PDK3: variants seen among roughly 807,000 people sequenced by gnomAD.
PDK3 encodes the protein pyruvate dehydrogenase kinase, isozyme 3.
In PDK3, 12 loss-of-function variants were observed where a neutral mutation model predicts 32.0. The ratio of observed to expected loss-of-function variants is 0.37; its 90% CI spans 0.24 to 0.61. The LOEUF (loss-of-function observed/expected upper bound fraction) is 0.61. Among genes scored for constraint, PDK3 ranks in the 20% least tolerant of loss-of-function variants. The pLI, the probability that PDK3 is intolerant of heterozygous loss-of-function variation, is 0.65. For missense variants in PDK3, 188 were observed against 316.9 expected (o/e 0.59, Z 3.09); for synonymous variants, 122 against 116.3 (o/e 1.05, Z -0.31).
At chrX:24,486,848 C>G (rs1005127889) in intron 1 of PDK3, among the ~76,000 whole-genome samples, 1 of 110,992 alleles carries the variant, frequency 9.0e-6, no homozygotes, top group Non-Finnish European at 1.9e-5. Context: ...CTGGGCTGGT[C>G]TTGAACTCTT....
chrX:24,526,094 A>G (rs1922516975), intron 6 of PDK3, 104 bp from the exon 7 acceptor site: 4 of 581,017 alleles, frequency 6.9e-6, no homozygotes, highest in Non-Finnish European at 1.1e-5. Flanking sequence ...TTAGCCTTTT[A>G]TAGAGCTCTG....
At chrX:24,520,440 G>A (rs776166119) in intron 6 of PDK3, among the ~76,000 whole-genome samples, 129 of 112,177 alleles carry the variant, frequency 1.1e-3, no homozygotes, top group Non-Finnish European at 2.0e-3. Context: ...GTTTATAGTA[G>A]TGGAGTTCAT....
chrX:24,547,263 C>T (rs947812380), exon 12 of PDK3: 4 of 111,997 alleles, frequency 3.6e-5, no homozygotes, highest in Non-Finnish European at 7.5e-5. Flanking sequence ...GTGGTAATAC[C>T]GGATCCAGGA....
chrX:24,481,779 A>C (rs748486998), intron 1 of PDK3, among the ~76,000 whole-genome samples: 4 of 111,949 alleles, frequency 3.6e-5, no homozygotes, highest in African/African-American at 1.3e-4. Context: ...AGGCCTCCCT[A>C]TCCATGTGGA....
In PDK3 at chrX:24,471,899, C is replaced by G. The variant is rs1182404142; in HGVS notation, c.106+6338C>G. Among the ~76,000 whole-genome samples the G allele has an allele frequency of 2.7e-5, 3 of 112,008 alleles. No individual in the cohort carries two copies. In the East Asian group the frequency reaches 8.3e-4, roughly 31 times the overall value. On this transcript the variant is annotated intron_variant, in intron 1 of 10. Transcript: ENST00000379162. ...TTCTTGTTTACATTTCCTGGGATAG[C>G]ATTGCCATCCTTTTATTTTCAGTTT...
chrX:24,493,427 A>T (rs1450764917), intron 1 of PDK3, among the ~76,000 whole-genome samples: 1 of 111,408 alleles, frequency 9.0e-6, no homozygotes, highest in Non-Finnish European at 1.9e-5. Flanking sequence ...AGTGTTAGAA[A>T]ATTGGATTCA....
intron 5 of PDK3, among the ~76,000 whole-genome samples, chrX:24,512,389 CATT>C (rs1004526701): frequency 8.9e-6 from 1 of 112,031 alleles, no homozygotes; most frequent in Non-Finnish European, 1.9e-5. Context: ...GAGCGCGTGG[CATT>C]ATTCTGGTTC....
At chrX:24,490,876 A>G (rs756477037) in intron 1 of PDK3, among the ~76,000 whole-genome samples, 2 of 111,648 alleles carry the variant, frequency 1.8e-5, no homozygotes, top group Non-Finnish European at 3.8e-5. Context: ...GGAAATTTAA[A>G]CATGTATACT....
intron 1 of PDK3, among the ~76,000 whole-genome samples, chrX:24,490,830 G>A (rs995410892): frequency 1.8e-5 from 2 of 111,443 alleles, no homozygotes; most frequent in Non-Finnish European, 3.8e-5. Context: ...CTCACAACAT[G>A]CTCGTATCCT....
intron 2 of PDK3, among the ~76,000 whole-genome samples, chrX:24,495,362 C>T (rs1304782181): frequency 1.8e-5 from 2 of 112,451 alleles, no homozygotes; most frequent in Non-Finnish European, 3.8e-5. Flanking sequence ...AAACTTAAAT[C>T]AGTTATAGCT....
At chrX:24,542,465 A>G (rs1387358533) in exon 12 of PDK3, among the ~76,000 whole-genome samples, 6 of 112,939 alleles carry the variant, frequency 5.3e-5, no homozygotes, top group Non-Finnish European at 1.1e-4. Context: ...GGGCCAAAGC[A>G]AGCACTTGGG....
downstream of PDK3, chrX:24,539,140 G>A (rs1402758282): frequency 8.9e-7 from 1 of 1,120,122 alleles, no homozygotes; most frequent in Middle Eastern, 2.4e-4. Flanking sequence ...GTAGAGACAA[G>A]ATCAAGACTA....
chrX:24,486,842 G>A lies in PDK3; in HGVS notation c.107-7900G>A, dbSNP rs537687919. Among the ~76,000 whole-genome samples, 40 of 110,957 alleles carry A rather than the reference G, an allele frequency of 3.6e-4. No homozygotes were observed. The Middle Eastern group carries it at 0.028, about 77-fold the overall frequency. On this transcript the variant is annotated intron_variant, in intron 1 of 10. Transcript: ENST00000379162. Reference sequence around the variant, plus strand: ...GACTGGGTCTCCCTATGTTGCCTGGGCTGGTCTTGAACTCTTGGACTCAAG... The same window carrying A: ...GACTGGGTCTCCCTATGTTGCCTGGACTGGTCTTGAACTCTTGGACTCAAG...
chrX:24,496,172 G>A (rs1277974632), intron 2 of PDK3, among the ~76,000 whole-genome samples: 1 of 110,810 alleles, frequency 9.0e-6, no homozygotes, highest in African/African-American at 3.3e-5. Flanking sequence ...CAGAAGGGTT[G>A]TAAAACTGGT....
At chrX:24,502,926 C>T (rs988397447) in intron 3 of PDK3, among the ~76,000 whole-genome samples, 2 of 112,168 alleles carry the variant, frequency 1.8e-5, no homozygotes, top group Non-Finnish European at 3.8e-5. Flanking sequence ...TTGCTTTAAT[C>T]AGTCCTTGGA....
At chrX:24,521,144 T>TTAC in intron 6 of PDK3, among the ~76,000 whole-genome samples, 1 of 109,239 alleles carries the variant, frequency 9.2e-6, no homozygotes, top group African/African-American at 3.3e-5. Flanking sequence ...CTGGACATAG[T>TTAC]GGCATGTGCC....
rs775746504 is a variant in PDK3 at position 24,508,960 on chromosome X, G to T, written c.595+3662G>T. ...TTGAACTCCTGACCTCAGGTGATCC[G>T]CCCGCCTTGGCCTCCCAAAGTGCTG... On this transcript the variant is annotated intron_variant, in intron 5 of 10. Transcript: ENST00000379162. Among the ~76,000 whole-genome samples the T allele has an allele frequency of 2.7e-5, 3 of 111,200 alleles. No individual in the cohort carries two copies. In the East Asian group the frequency reaches 8.5e-4, roughly 31 times the overall value.
intron 1 of PDK3, among the ~76,000 whole-genome samples, chrX:24,466,728 A>C (rs748212702): frequency 1.4e-4 from 16 of 111,807 alleles, no homozygotes; most frequent in African/African-American, 5.2e-4. Flanking sequence ...AATGATGATG[A>C]AAGTCAAAGT....
chrX:24,515,049 C>T (rs760330517), intron 5 of PDK3, among the ~76,000 whole-genome samples: 10 of 112,146 alleles, frequency 8.9e-5, no homozygotes, highest in Non-Finnish European at 1.5e-4. Context: ...GTCAGAGGAT[C>T]GTTCCATTTA....
Sources: allele counts gnomAD v4.1 joint callset (sites outside exome capture counted in the v4.1 genomes callset), GRCh38; gene constraint gnomAD v4.1.1; transcripts MANE v1.5; gene names NCBI Gene and HGNC (gene_info 2026-07-23, HGNC 2026-07-21).